The following BRF1 variants were observed in gnomAD, a reference collection of about 807,000 sequenced individuals.
BRF1 encodes the protein transcription factor IIIB 90 kDa subunit.
A neutral mutation model predicts 81.7 loss-of-function variants in BRF1; 59 were observed. The ratio of observed to expected loss-of-function variants is 0.72; its 90% confidence interval spans 0.59 to 0.90. The LOEUF (loss-of-function observed/expected upper bound fraction) is 0.90. Among genes scored for constraint, BRF1 ranks in the 40% least tolerant of loss-of-function variants. BRF1 has a pLI of 0.00. For missense variants in BRF1, 1,050 were observed against 936.3 expected, an observed-to-expected ratio of 1.12 and a Z score of -1.58; for synonymous variants, 491 against 395.6, an observed-to-expected ratio of 1.24 and a Z score of -2.86.
At chr14:105,272,649 T>C in intron 3 of BRF1, 72 bp downstream of exon 3, 1 of 1,493,842 alleles carries the variant, frequency 6.7e-7, no homozygotes. Flanking sequence ...AACTACCAAG[T>C]CCCAATATTC....
At chr14:105,297,868 C>T (rs1013354383) in intron 1 of BRF1, among the ~76,000 whole-genome samples, 1 of 151,868 alleles carries the variant, frequency 6.6e-6, no homozygotes, top group African/African-American at 2.4e-5. Flanking sequence ...TGGTGGCGGT[C>T]GCCTGTAGTC....
At chr14:105,217,460 C>A in intron 15 of BRF1, 84 bp downstream of exon 15, 1 of 1,556,368 alleles carries the variant, frequency 6.4e-7, no homozygotes. Context: ...CGGCTGGCCC[C>A]CGGCAGCTCC....
chr14:105,226,911 C>G, intron 7 of BRF1, 151 bp from the exon 8 acceptor site: 1 of 1,106,988 alleles, frequency 9.0e-7, no homozygotes, highest in Non-Finnish European at 1.3e-6. Context: ...GACTTTGAGA[C>G]CAGCCTAGGC....
At chr14:105,247,810 G>C (rs890885183) in intron 5 of BRF1, 1 of 985,486 alleles carries the variant, frequency 1.0e-6, no homozygotes, top group South Asian at 4.7e-5. Flanking sequence ...GCATGCACCA[G>C]CTGTGCGGCC....
intron 1 of BRF1, among the ~76,000 whole-genome samples, chr14:105,295,542 C>T (rs1442180770): frequency 1.3e-5 from 2 of 151,752 alleles, no homozygotes; most frequent in African/African-American, 2.4e-5. Context: ...CAGGGGGTTA[C>T]GACTGCAGTA....
chr14:105,221,526 C>A (rs1489929561), intron 11 of BRF1, 122 bp downstream of exon 11: 7 of 1,387,642 alleles, frequency 5.0e-6, no homozygotes, highest in Non-Finnish European at 6.7e-6. Flanking sequence ...CCCAAGCCCA[C>A]CGCCCGAGAC....
In BRF1 at chr14:105,209,525, G is replaced by A. The variant is rs1486299910; in HGVS notation, c.*1026C>T. 1.4e-6 allele frequency: 1 copy of A among 702,558 alleles called. No homozygotes were observed. Among genetic ancestry groups the A allele is most frequent in the East Asian group, 2.7e-5 (1 of 37,252 alleles). 43.5% of individuals were successfully genotyped at this position (702,558 alleles called of 1,614,324 possible). Reference sequence around the variant, plus strand: ...GGCCACCCCCTCCTAAGGACACAGGGTGAAGCCCCCTCGGCCACATCCGGG... The same window carrying A: ...GGCCACCCCCTCCTAAGGACACAGGATGAAGCCCCCTCGGCCACATCCGGG... On this transcript the variant is annotated 3_prime_UTR_variant, in exon 18 of 18. Transcript: ENST00000547530.
At chr14:105,216,420 T>A in intron 15 of BRF1, among the ~76,000 whole-genome samples, 1 of 152,244 alleles carries the variant, frequency 6.6e-6, no homozygotes, top group Admixed American at 6.5e-5. Context: ...CCCACTGACC[T>A]CCTACGCATG....
intron 5 of BRF1, chr14:105,250,099 C>T (rs761294790): frequency 5.0e-6 from 8 of 1,612,882 alleles, no homozygotes; most frequent in South Asian, 4.4e-5. Context: ...AGTTTGCCAA[C>T]GGCGCTGCCC....
At position 105,209,707 on chromosome 14, in the gene BRF1, C is replaced by T. The variant is rs1459733007; in HGVS notation, c.*844G>A. 3.0e-5 allele frequency: 19 copies of T among 628,018 alleles called. No individual in the cohort carries two copies. Among genetic ancestry groups the T allele is most frequent in the African/African-American group, 9.1e-5 (5 of 55,240 alleles). The allele number at this position is 628,018 out of a possible 1,614,324, so 38.9% of individuals were successfully genotyped here. The stretch of plus-strand genomic sequence containing the variant: ...CGCCACTGCCCTCTGGCTCTGTCCA[C>T]GGGGAACTCCCAGCGCCAGGACACT... On this transcript the variant is annotated 3_prime_UTR_variant, in exon 18 of 18. Transcript: ENST00000547530.
rs117259839 is a variant in BRF1, at chr14:105,257,090, C to G, written c.440-541G>C. On this transcript the variant is annotated intron_variant, in intron 3 of 17. Transcript: ENST00000547530. Reference sequence around the variant, plus strand: ...TGCAGGCGCCACTGGGGGCTGCGCTCGAGAGACAGGTGTGGGGACCCCGCA... The same window carrying G: ...TGCAGGCGCCACTGGGGGCTGCGCTGGAGAGACAGGTGTGGGGACCCCGCA... Among the ~76,000 whole-genome samples, 7 of 152,184 alleles carry G rather than the reference C, an allele frequency of 4.6e-5. 1 individual carries two copies. The East Asian group carries it at 1.2e-3, about 25-fold the overall frequency.
At chr14:105,253,456 C>T (rs1401410003) in intron 4 of BRF1, among the ~76,000 whole-genome samples, 1 of 152,242 alleles carries the variant, frequency 6.6e-6, no homozygotes, top group East Asian at 1.9e-4. Flanking sequence ...CTAGCCTCCC[C>T]CAAAGAATTC....
chr14:105,291,063 T>C (rs1356935365), intron 1 of BRF1, among the ~76,000 whole-genome samples: 2 of 152,104 alleles, frequency 1.3e-5, no homozygotes, highest in African/African-American at 2.4e-5. Context: ...CGTGTTTCTA[T>C]AACAAAAAAT....
chr14:105,302,431 G>C (rs991135259), upstream of BRF1, among the ~76,000 whole-genome samples: 1 of 151,854 alleles, frequency 6.6e-6, no homozygotes. Flanking sequence ...TTGAACTCCC[G>C]ACCTCAGGTG....
chr14:105,250,698 CAGCG>C, intron 5 of BRF1: 5 of 1,587,292 alleles, frequency 3.2e-6, no homozygotes, highest in Non-Finnish European at 4.3e-6. Context: ...TGCAGCAGGT[CAGCG>C]AGTGAGTGGA....
intron 12 of BRF1, chr14:105,219,762 C>T (rs766419142): frequency 2.0e-6 from 1 of 501,854 alleles, no homozygotes; most frequent in African/African-American, 1.9e-5. Context: ...TGTCTAGAGA[C>T]CCCTCGAGGG....
At chr14:105,261,183 T>G (rs2056133968) in intron 3 of BRF1, among the ~76,000 whole-genome samples, 1 of 152,196 alleles carries the variant, frequency 6.6e-6, no homozygotes, top group Non-Finnish European at 1.5e-5. Context: ...CTGTGCCGGG[T>G]GGTCTTCTGC....
At chr14:105,264,084 A>AT (rs1299935813) in intron 3 of BRF1, among the ~76,000 whole-genome samples, 3 of 152,238 alleles carry the variant, frequency 2.0e-5, no homozygotes, top group Non-Finnish European at 4.4e-5. Flanking sequence ...AATCAAGATA[A>AT]TAAAAACAGA....
chr14:105,255,977 T>C (rs2055845412), intron 4 of BRF1, among the ~76,000 whole-genome samples: 1 of 151,600 alleles, frequency 6.6e-6, no homozygotes, highest in African/African-American at 2.4e-5. Context: ...AAATACAAAA[T>C]AGCCGAGCAT....
Sources: allele counts gnomAD v4.1 joint callset (sites outside exome capture counted in the v4.1 genomes callset), GRCh38; gene constraint gnomAD v4.1.1; transcripts MANE v1.5; gene names NCBI Gene and HGNC (gene_info 2026-07-23, HGNC 2026-07-21).